Variants in SNX29 observed in about 807,000 individuals in gnomAD.
The protein encoded by SNX29 is sorting nexin-29.
SNX29 carries 78 observed loss-of-function variants against 102.1 expected under a neutral mutation model. That is an observed-to-expected ratio of 0.76 (90% CI 0.64 to 0.92). SNX29 has a LOEUF of 0.92. SNX29 is among the 40% of genes least tolerant of loss of function. The probability of loss-of-function intolerance (pLI) is 0.00; values close to 1 mark genes in which losing one functional copy is unlikely to be tolerated. For missense variants in SNX29, 1,280 were observed against 1,061.7 expected, an observed-to-expected ratio of 1.21 and a Z score of -2.86; for synonymous variants, 580 against 414.5, an observed-to-expected ratio of 1.40 and a Z score of -4.85.
At chr16:12,035,597 C>T (rs2057452097) in intron 4 of SNX29, among the ~76,000 whole-genome samples, 1 of 152,144 alleles carries the variant, frequency 6.6e-6, no homozygotes, top group Non-Finnish European at 1.5e-5. Flanking sequence ...TTTGGGAGCA[C>T]TTGTATTCAC....
At chr16:12,095,453 C>G (rs1031546388) in intron 11 of SNX29, 2 of 152,090 alleles carry the variant, frequency 1.3e-5, no homozygotes, top group African/African-American at 4.8e-5. Context: ...CGCGGTACCC[C>G]TTTCAGTGGT....
At chr16:12,561,751 T>A (rs537126722) in intron 20 of SNX29, among the ~76,000 whole-genome samples, 2 of 152,252 alleles carry the variant, frequency 1.3e-5, no homozygotes, top group East Asian at 3.9e-4. Flanking sequence ...AGATGGAGTT[T>A]CTGAAATGAA....
At chr16:12,133,026 G>A (rs1029041369) in intron 13 of SNX29, among the ~76,000 whole-genome samples, 7 of 152,220 alleles carry the variant, frequency 4.6e-5, no homozygotes, top group African/African-American at 9.6e-5. Flanking sequence ...TGGGGATGCC[G>A]TAGCTGCTGG....
At chr16:12,341,171 C>T (rs4780422) in intron 15 of SNX29, among the ~76,000 whole-genome samples, 83,272 of 152,066 alleles carry the variant, frequency 0.55, 23,332 homozygotes, top group African/African-American at 0.6. Context: ...CACAGACAAA[C>T]TCATTAGAAA....
At chr16:12,333,737 C>T (rs1325174049) in intron 15 of SNX29, among the ~76,000 whole-genome samples, 2 of 152,094 alleles carry the variant, frequency 1.3e-5, no homozygotes, top group African/African-American at 4.8e-5. Context: ...CTTATTACTT[C>T]AGCCATTATC....
intron 15 of SNX29, among the ~76,000 whole-genome samples, chr16:12,316,456 T>A (rs1470796141): frequency 6.6e-6 from 1 of 152,134 alleles, no homozygotes; most frequent in Non-Finnish European, 1.5e-5. Context: ...GGCAAGAGAA[T>A]TGCTTGAATC....
chr16:12,440,321 C>G (rs1397572461), intron 18 of SNX29, among the ~76,000 whole-genome samples: 2 of 152,210 alleles, frequency 1.3e-5, no homozygotes, highest in African/African-American at 2.4e-5. Flanking sequence ...CATCACCACT[C>G]TAATTCCAGA....
rs113173828 is a variant in SNX29, at chr16:11,996,431, A to G, written c.8-2866A>G. Among the ~76,000 whole-genome samples the G allele has an allele frequency of 1.2e-3, 189 of 152,322 alleles. 2 individuals carry two copies. Among genetic ancestry groups the G allele is most frequent in the African/African-American group, 4.2e-3 (176 of 41,578 alleles). ...TGCTTTTTAACAAGATCTCCAGGAG[A>G]TCTGTGTGGACATTAAAGTTTGAGA... On this transcript the variant is annotated intron_variant, in intron 1 of 20. Coordinates refer to ENST00000566228, the MANE Select transcript of SNX29 (RefSeq NM_032167.5).
chr16:12,232,003 C>T (rs1239028001), intron 14 of SNX29, among the ~76,000 whole-genome samples: 1 of 152,084 alleles, frequency 6.6e-6, no homozygotes, highest in Non-Finnish European at 1.5e-5. Flanking sequence ...AGATGCTGGC[C>T]CTTTGTTTTA....
At chr16:12,131,890 A>G (rs2054482752) in intron 13 of SNX29, among the ~76,000 whole-genome samples, 1 of 152,216 alleles carries the variant, frequency 6.6e-6, no homozygotes, top group African/African-American at 2.4e-5. Flanking sequence ...ACATTTTAAA[A>G]TGATAGCTCA....
chr16:12,050,203 T>TCTATAC (rs2050246092), intron 7 of SNX29, among the ~76,000 whole-genome samples: 1 of 152,168 alleles, frequency 6.6e-6, no homozygotes, highest in Non-Finnish European at 1.5e-5. Flanking sequence ...TTTGAGGTGA[T>TCTATAC]CTCAGAGTTG....
chr16:12,013,500 AATATAT>A lies in SNX29; in HGVS notation c.122+10494_122+10499del, dbSNP rs66491414. Among the ~76,000 whole-genome samples, 149 of 31,580 alleles carry A rather than the reference AATATAT, an allele frequency of 4.7e-3. 7 individuals carry two copies. Among genetic ancestry groups the A allele is most frequent in the Middle Eastern group, 0.019 (1 of 52 alleles). The allele number at this position is 31,580 out of a possible 152,430, so 20.7% of individuals were successfully genotyped here. A position where few individuals can be genotyped will look rare whatever the true frequency, so the allele number is the denominator to read the frequency against. Reference sequence around the variant, plus strand: ...GTCTCTACTGGGGGAAAAAAAAAAAAATATATATATATATATATATATATATATATA... The same window carrying A: ...GTCTCTACTGGGGGAAAAAAAAAAAAATATATATATATATATATATATATA... On this transcript the variant is annotated intron_variant, in intron 3 of 20. Coordinates refer to ENST00000566228, the MANE Select transcript of SNX29 (RefSeq NM_032167.5).
At chr16:12,532,256 G>A (rs1394097289) in intron 20 of SNX29, among the ~76,000 whole-genome samples, 1 of 152,214 alleles carries the variant, frequency 6.6e-6, no homozygotes, top group Non-Finnish European at 1.5e-5. Context: ...ATTCCAAGAA[G>A]TAAAAAGTTT....
At chr16:12,294,753 C>T (rs2079923283) in intron 15 of SNX29, among the ~76,000 whole-genome samples, 1 of 152,196 alleles carries the variant, frequency 6.6e-6, no homozygotes. Flanking sequence ...TGGCTGAGAA[C>T]TAGAGCTGCC....
At chr16:12,414,696 G>T (rs374650110) in intron 18 of SNX29, among the ~76,000 whole-genome samples, 3 of 151,922 alleles carry the variant, frequency 2.0e-5, no homozygotes, top group East Asian at 3.9e-4. Flanking sequence ...AAAAGCTTGG[G>T]ACGATTTTGT....
intron 11 of SNX29, among the ~76,000 whole-genome samples, chr16:12,080,928 G>A (rs760853802): frequency 3.0e-4 from 44 of 147,616 alleles, no homozygotes; most frequent in Non-Finnish European, 4.6e-4. Context: ...ATGATCTGCC[G>A]GTCTCAGCCT....
rs143030087 is a variant in SNX29 at position 12,563,330 on chromosome 16, C to T, written c.2319-5176C>T. 6.9e-4 allele frequency among the ~76,000 whole-genome samples: 105 copies of T among 152,228 alleles called. 1 individual carries two copies. The highest frequency in any genetic ancestry group is 2.2e-3 in the African/African-American group (93 of 41,534). On this transcript the variant is annotated intron_variant, in intron 20 of 20. Transcript: ENST00000566228. ...CTTTGTGACTGGAGAGAGTCACCGT[C>T]GAGGAGTGGCCATTATCCTGAGCCT... is the stretch of plus-strand genomic sequence containing the variant.
intron 20 of SNX29, among the ~76,000 whole-genome samples, chr16:12,565,548 C>T (rs1339501937): frequency 6.6e-6 from 1 of 152,170 alleles, no homozygotes; most frequent in African/African-American, 2.4e-5. Context: ...ATTGAACCAT[C>T]CCTGTGTCAC....
intron 18 of SNX29, among the ~76,000 whole-genome samples, chr16:12,468,821 C>G (rs1468199729): frequency 1.3e-5 from 2 of 152,250 alleles, no homozygotes; most frequent in African/African-American, 2.4e-5. Context: ...AGTACACACC[C>G]TCAACCTAGC....
Sources: gnomAD v4.1 joint callset for allele counts (sites outside exome capture counted in the v4.1 genomes callset) on GRCh38, gnomAD v4.1.1 for gene constraint, MANE v1.5 for transcripts, NCBI Gene and HGNC (gene_info 2026-07-23, HGNC 2026-07-21) for gene names.